BCLAF3: variants seen among roughly 807,000 people sequenced by gnomAD.
BCLAF3 encodes the protein BCLAF1 and THRAP3 family member 3.
A neutral mutation model predicts 51.2 loss-of-function variants in BCLAF3; 24 were observed. The ratio of observed to expected loss-of-function variants is 0.47; its 90% CI spans 0.34 to 0.66. BCLAF3 has a LOEUF of 0.66. BCLAF3 is among the 30% of genes least tolerant of loss of function. The pLI is 0.01. For missense variants in BCLAF3, 465 were observed against 525.1 expected (o/e 0.89, Z 1.12); for synonymous variants, 152 against 176.6 (o/e 0.86, Z 1.10).
rs1490139146 is a variant in BCLAF3 at position 19,990,890 on chromosome X, T to C, written c.-35+18A>G. 1.7e-3 allele frequency among the ~76,000 whole-genome samples: 114 copies of C among 68,712 alleles called. No individual in the cohort carries two copies. The highest frequency in any genetic ancestry group is 2.9e-3 in the Non-Finnish European group (97 of 33,257). 59.7% of individuals were successfully genotyped at this position (68,712 alleles called of 115,157 possible). On this transcript the variant is annotated intron_variant, in intron 1 of 11. Transcript: ENST00000379682. ...CGGGCCCAGGCCTCCTCGCCCCGCCTCCCCCCGAGCCGCTCACCCGGCCGG... is the reference window on the plus strand; with the variant it reads ...CGGGCCCAGGCCTCCTCGCCCCGCCCCCCCCCGAGCCGCTCACCCGGCCGG...
chrX:19,938,430 G>C (rs6527952), intron 8 of BCLAF3, among the ~76,000 whole-genome samples: 40,738 of 111,326 alleles, frequency 0.37, 9,094 homozygotes, highest in African/African-American at 0.85. Context: ...GAGTCTTGCT[G>C]TGTTGCCCAG....
chrX:19,967,331 G>C (rs2072091733), intron 2 of BCLAF3, among the ~76,000 whole-genome samples: 1 of 111,792 alleles, frequency 8.9e-6, no homozygotes, highest in South Asian at 3.7e-4. Flanking sequence ...CTCTAACATA[G>C]GTAAGTTGCT....
chrX:19,939,643 C>T (rs1053142687), intron 8 of BCLAF3, among the ~76,000 whole-genome samples: 1 of 111,523 alleles, frequency 9.0e-6, no homozygotes, highest in African/African-American at 3.3e-5. Flanking sequence ...TTTACAATAG[C>T]CAAAGGGTGA....
At chrX:19,937,034 T>TTTA (rs969598577) in intron 9 of BCLAF3, among the ~76,000 whole-genome samples, 1 of 111,719 alleles carries the variant, frequency 9.0e-6, no homozygotes, top group Non-Finnish European at 1.9e-5. Flanking sequence ...ATTTTTTTCT[T>TTTA]TTATTATTAT....
intron 11 of BCLAF3, among the ~76,000 whole-genome samples, chrX:19,923,717 C>T (rs771540906): frequency 2.7e-5 from 3 of 111,561 alleles, no homozygotes; most frequent in South Asian, 3.7e-4. Context: ...CCATTTTGGA[C>T]GTTTCATATA....
intron 4 of BCLAF3, 125 bp downstream of exon 4, chrX:19,964,919 G>GA (rs1365619803): frequency 1.4e-5 from 8 of 568,009 alleles, no homozygotes; most frequent in African/African-American, 1.2e-4. Context: ...TTTTGGGGGG[G>GA]AAAATTCTTG....
Position 19,937,481 on chromosome X carries a change from T to A in BCLAF3, c.1797A>T (p.Gly599=). The A allele has an allele frequency of 8.5e-7, 1 of 1,183,298 alleles. No homozygotes were observed. Among genetic ancestry groups the A allele is most frequent in the Non-Finnish European group, 1.1e-6 (1 of 872,863 alleles). Residue 599 remains glycine, a synonymous_variant, in exon 9 of 12, where the codon GGA becomes GGT. Transcript: ENST00000379682. ...FSKVKNVHTD[G]FQKPTHFIKS... is the part of the protein sequence containing the mutation. ...TTATAAAATGTGTGGGTTTTTGGAA[T>A]CCATCAGTATGAACATTCTTTACCT...
chrX:19,945,180 T>C (rs1391018304), intron 8 of BCLAF3, among the ~76,000 whole-genome samples: 2 of 110,100 alleles, frequency 1.8e-5, no homozygotes, highest in African/African-American at 6.7e-5. Flanking sequence ...ATCTTCTAAT[T>C]TTTTTTCAAA....
chrX:19,936,077 C>A (rs1343107407), intron 9 of BCLAF3, among the ~76,000 whole-genome samples, 179 bp from the exon 10 acceptor site: 1 of 111,868 alleles, frequency 8.9e-6, no homozygotes, highest in Admixed American at 9.5e-5. Flanking sequence ...ACTTGACCCT[C>A]GACTTTGACT....
At chrX:19,946,481 T>A (rs1239815519) in intron 8 of BCLAF3, among the ~76,000 whole-genome samples, 1 of 110,371 alleles carries the variant, frequency 9.1e-6, no homozygotes, top group Non-Finnish European at 1.9e-5. Flanking sequence ...ACCTCTAATC[T>A]TTTTTTTTCA....
chrX:19,917,789 GTTA>G (rs10574256), intron 11 of BCLAF3, among the ~76,000 whole-genome samples: 37,053 of 110,522 alleles, frequency 0.34, 7,308 homozygotes, highest in African/African-American at 0.75. Context: ...TGCAGAGAAA[GTTA>G]TTAGAGGGGG....
intron 2 of BCLAF3, among the ~76,000 whole-genome samples, chrX:19,968,427 G>A (rs1416373634): frequency 2.7e-5 from 3 of 112,774 alleles, no homozygotes; most frequent in Non-Finnish European, 5.6e-5. Flanking sequence ...CAAGGCAAAG[G>A]CTGCATGATG....
At chrX:19,967,324 T>C (rs2072091533) in intron 2 of BCLAF3, among the ~76,000 whole-genome samples, 1 of 111,983 alleles carries the variant, frequency 8.9e-6, no homozygotes, top group Non-Finnish European at 1.9e-5. Flanking sequence ...GAAATACCTC[T>C]AACATAGGTA....
At chrX:19,953,717 A>G in intron 6 of BCLAF3, 61 bp downstream of exon 6, 1 of 957,004 alleles carries the variant, frequency 1.0e-6, no homozygotes, top group African/African-American at 1.9e-5. Flanking sequence ...CCCCTTCCCA[A>G]ATCTTTTCTG....
At chrX:19,966,992 G>C (rs992315697) in intron 2 of BCLAF3, among the ~76,000 whole-genome samples, 2 of 111,480 alleles carry the variant, frequency 1.8e-5, no homozygotes, top group African/African-American at 3.3e-5. Flanking sequence ...AGAAGATGCA[G>C]TGACTTCAAA....
intron 1 of BCLAF3, among the ~76,000 whole-genome samples, chrX:19,973,597 C>T (rs2072321698): frequency 9.0e-6 from 1 of 111,447 alleles, no homozygotes; most frequent in Non-Finnish European, 1.9e-5. Flanking sequence ...GGATGGCCTT[C>T]CCTCGGTCAG....
chrX:19,952,450 G>C (rs1469400135), intron 7 of BCLAF3, among the ~76,000 whole-genome samples: 37 of 108,618 alleles, frequency 3.4e-4, no homozygotes, highest in Non-Finnish European at 3.8e-5. Context: ...GCAAAGAAAT[G>C]GGGGGTGGGA....
At chrX:19,921,573 C>T (rs2070159256) in intron 11 of BCLAF3, among the ~76,000 whole-genome samples, 1 of 109,503 alleles carries the variant, frequency 9.1e-6, no homozygotes, top group South Asian at 3.9e-4. Flanking sequence ...GAGGGTGGCG[C>T]ATGCCTGTAG....
chrX:19,930,838 T>C (rs1294692660), intron 10 of BCLAF3, among the ~76,000 whole-genome samples: 5 of 111,769 alleles, frequency 4.5e-5, no homozygotes, highest in South Asian at 3.7e-4. Flanking sequence ...AGACCCTGTC[T>C]CTACAAAAAA....
Sources: gnomAD v4.1 joint callset for allele counts (sites outside exome capture counted in the v4.1 genomes callset) on GRCh38, gnomAD v4.1.1 for gene constraint, MANE v1.5 for transcripts, NCBI Gene and HGNC (gene_info 2026-07-23, HGNC 2026-07-21) for gene names.